SOX5: variants seen among roughly 807,000 people sequenced by gnomAD.
The protein encoded by SOX5 is SRY-box transcription factor 5.
A neutral mutation model predicts 92.0 loss-of-function variants in SOX5; 9 were observed. The ratio of observed to expected loss-of-function variants is 0.10; its 90% CI spans 0.06 to 0.17. The LOEUF is 0.17. SOX5 is among the 10% of genes least tolerant of loss of function. The probability of loss-of-function intolerance (pLI) is 1.00; values close to 1 mark genes in which losing one functional copy is unlikely to be tolerated. For synonymous variants in SOX5, 344 were observed against 336.3 expected (o/e 1.02, Z -0.25); for missense variants, 642 against 944.5 (o/e 0.68, Z 4.20).
intron 1 of SOX5, among the ~76,000 whole-genome samples, chr12:23,899,688 T>C (rs2097212542): frequency 6.6e-6 from 1 of 152,210 alleles, no homozygotes; most frequent in Non-Finnish European, 1.5e-5. Flanking sequence ...CTTAGCTCAC[T>C]TTGTGGTCAA....
intron 1 of SOX5, among the ~76,000 whole-genome samples, chr12:23,912,374 A>G (rs2086059629): frequency 6.6e-6 from 1 of 152,214 alleles, no homozygotes; most frequent in African/African-American, 2.4e-5. Context: ...GATGTGGATA[A>G]ATTGGAACCA....
At chr12:23,953,218 G>A (rs1285094534), upstream of SOX5, among the ~76,000 whole-genome samples, 3 of 151,968 alleles carry the variant, frequency 2.0e-5, no homozygotes, top group African/African-American at 7.2e-5. Flanking sequence ...GTTAAATTTT[G>A]TCTTGGGTTA....
chr12:24,037,767 T>C (rs1359575337), intron 4 of SOX5, among the ~76,000 whole-genome samples: 1 of 152,182 alleles, frequency 6.6e-6, no homozygotes, highest in Non-Finnish European at 1.5e-5. Context: ...ATTTATTCAT[T>C]TTTACTAAAA....
intron 4 of SOX5, among the ~76,000 whole-genome samples, chr12:24,083,554 C>T (rs1161584931): frequency 1.3e-5 from 2 of 152,000 alleles, no homozygotes; most frequent in African/African-American, 2.4e-5. Context: ...ATAGGTATAA[C>T]GTTTTTTTCT....
intron 4 of SOX5, chr12:24,212,479 G>C (rs753838963): frequency 1.9e-6 from 1 of 534,180 alleles, no homozygotes; most frequent in Non-Finnish European, 3.8e-6. Context: ...CAGGGGAGCT[G>C]TGGAAGCAGT....
chr12:23,906,582 G>A (rs548343520), intron 1 of SOX5, among the ~76,000 whole-genome samples: 1 of 152,254 alleles, frequency 6.6e-6, no homozygotes, highest in Admixed American at 6.5e-5. Context: ...CCAGATGCTC[G>A]GCTCCTTGTG....
At chr12:23,539,620 AG>A (rs1486430103) in intron 13 of SOX5, among the ~76,000 whole-genome samples, 4 of 149,580 alleles carry the variant, frequency 2.7e-5, no homozygotes, top group Admixed American at 6.7e-5. Context: ...AAAAAAAAAA[AG>A]AGGAAAAAAA....
chr12:24,080,388 C>T (rs61910038), intron 4 of SOX5, among the ~76,000 whole-genome samples: 2,612 of 152,036 alleles, frequency 0.017, 37 homozygotes, highest in Middle Eastern at 0.048. Context: ...TAACTAAGTG[C>T]CACAATGTTA....
chr12:23,598,992 A>T (rs1292072399), intron 9 of SOX5, among the ~76,000 whole-genome samples: 1 of 152,216 alleles, frequency 6.6e-6, no homozygotes, highest in Non-Finnish European at 1.5e-5. Flanking sequence ...TGTACCACAA[A>T]TTGTGACTCA....
intron 2 of SOX5, among the ~76,000 whole-genome samples, chr12:23,859,851 G>T (rs1370223866): frequency 6.6e-6 from 1 of 151,988 alleles, no homozygotes; most frequent in African/African-American, 2.4e-5. Flanking sequence ...GAAATATTGG[G>T]GACTGGTTCC....
chr12:23,919,411 C>T (rs192353413), intron 1 of SOX5, among the ~76,000 whole-genome samples: 1 of 152,302 alleles, frequency 6.6e-6, no homozygotes, highest in Non-Finnish European at 1.5e-5. Flanking sequence ...AGTAACAATA[C>T]ATTCAATATT....
At chr12:24,486,047 G>A (rs1946487532) in intron 1 of SOX5, among the ~76,000 whole-genome samples, 1 of 152,072 alleles carries the variant, frequency 6.6e-6, no homozygotes, top group Admixed American at 6.6e-5. Flanking sequence ...CAATCTCCTA[G>A]GCCCAAGCCA....
chr12:24,394,190 G>A (rs572002769), intron 1 of SOX5, among the ~76,000 whole-genome samples: 1 of 152,068 alleles, frequency 6.6e-6, no homozygotes, highest in Non-Finnish European at 1.5e-5. Context: ...ATCATACTAA[G>A]AGGTCACAAA....
chr12:23,877,446 T>G (rs965036968), intron 2 of SOX5, among the ~76,000 whole-genome samples: 1 of 152,162 alleles, frequency 6.6e-6, no homozygotes, highest in African/African-American at 2.4e-5. Flanking sequence ...GTTTCCTCCT[T>G]TCTATGTAGT....
chr12:23,598,387 CTTT>C (rs201719026), intron 9 of SOX5, among the ~76,000 whole-genome samples: 149 of 95,056 alleles, frequency 1.6e-3, no homozygotes, highest in African/African-American at 4.1e-3. Context: ...TGTGCTTTAT[CTTT>C]TTTTTTTTTT....
chr12:23,827,047 G>C lies in SOX5; in HGVS notation c.481+18936C>G, dbSNP rs117251218. Among the ~76,000 whole-genome samples the C allele has an allele frequency of 8.2e-3, 1,247 of 152,228 alleles. 9 individuals are homozygous for C. The highest frequency in any genetic ancestry group is 0.027 in the Middle Eastern group (8 of 294). ...TATACCATGCAATGAGCTCTACGTT[G>C]ATATTATGTTAATGTGTGGGGAGGA... On this transcript the variant is annotated intron_variant, in intron 3 of 14. Coordinates refer to ENST00000451604, the MANE Select transcript of SOX5 (RefSeq NM_006940.6).
chr12:23,632,842 C>T (rs966380548), intron 8 of SOX5, among the ~76,000 whole-genome samples: 3 of 152,084 alleles, frequency 2.0e-5, no homozygotes, highest in Admixed American at 6.6e-5. Context: ...AGAATGCATG[C>T]TACTAATATT....
chr12:24,512,575 G>C (rs1249562660), intron 1 of SOX5, among the ~76,000 whole-genome samples: 4 of 152,190 alleles, frequency 2.6e-5, no homozygotes, highest in African/African-American at 9.7e-5. Flanking sequence ...TAGTTTAAAA[G>C]GAGTGGTGGA....
intron 4 of SOX5, among the ~76,000 whole-genome samples, chr12:24,079,521 A>T (rs1943071826): frequency 6.6e-6 from 1 of 151,996 alleles, no homozygotes; most frequent in South Asian, 2.1e-4. Context: ...ATTTTTATTA[A>T]ATGAGAGAAC....
Sources: gnomAD v4.1 joint callset for allele counts (sites outside exome capture counted in the v4.1 genomes callset) on GRCh38, gnomAD v4.1.1 for gene constraint, MANE v1.5 for transcripts, NCBI Gene and HGNC (gene_info 2026-07-23, HGNC 2026-07-21) for gene names.